NEK8: variants seen among roughly 807,000 people sequenced by gnomAD.
The protein encoded by NEK8 is serine/threonine-protein kinase Nek8.
NEK8 carries 51 observed loss-of-function variants against 77.2 expected under a neutral mutation model. The ratio of observed to expected loss-of-function variants is 0.66; its 90% CI spans 0.53 to 0.83. NEK8 has a LOEUF of 0.83. NEK8 is among the 40% of genes least tolerant of loss of function. The pLI is 0.00. For missense variants in NEK8, 787 were observed against 909.2 expected, an observed-to-expected ratio of 0.87 and a Z score of 1.73; for synonymous variants, 365 against 363.2, an observed-to-expected ratio of 1.00 and a Z score of -0.06.
chr17:28,734,161 C>G lies in NEK8; in HGVS notation c.226C>G (p.Leu76Val). The change falls in exon 2 of 15, where the codon CTT becomes GTT. Residue 76 changes from leucine (L) to valine (V), a missense_variant. Physicochemically the swap from Leu to Val is conservative, Grantham distance 32 (BLOSUM62 1). This residue lies in a region of NEK8 where 271 missense variants were observed against 365.1 expected (regional missense o/e 0.74). Transcript: ENST00000268766. ...CGAGAACTTCCTGGAAGACAAAGCC[C>G]TTATGATCGCCATGGAATATGCACC... ...YYENFLEDKA[L>V]MIAMEYAPGG... 6.2e-7 allele frequency: 1 copy of G among 1,614,216 alleles called. No individual in the cohort carries two copies. Among genetic ancestry groups the G allele is most frequent in the Non-Finnish European group, 8.5e-7 (1 of 1,180,034 alleles).
intron 1 of NEK8, among the ~76,000 whole-genome samples, chr17:28,733,257 G>C (rs1456325430): frequency 6.6e-6 from 1 of 152,134 alleles, no homozygotes; most frequent in Non-Finnish European, 1.5e-5. Context: ...GGAAGAGACT[G>C]AGCAAGGAAA....
chr17:28,733,143 G>T (rs1214196995), intron 1 of NEK8, among the ~76,000 whole-genome samples: 1 of 150,832 alleles, frequency 6.6e-6, no homozygotes, highest in Non-Finnish European at 1.5e-5. Context: ...GCCTCCCAAA[G>T]TGCTGAGATC....
chr17:28,741,992 C>T lies in NEK8; in HGVS notation c.*5C>T, dbSNP rs754910336. The T allele has an allele frequency of 3.7e-6, 6 of 1,613,702 alleles. No homozygotes were observed. The highest frequency in any genetic ancestry group is 1.7e-5 in the Admixed American group (1 of 59,992). On this transcript the variant is annotated 3_prime_UTR_variant, in exon 15 of 15. Coordinates refer to ENST00000268766, the MANE Select transcript of NEK8 (RefSeq NM_178170.3). The surrounding 1 kb of genome is among the most constrained non-coding windows in gnomAD (Gnocchi z 4.5). ...GATGAGCCGGTCCCCCCCTGAGGCA[C>T]CCGGATTCACCTCTGGACCACCCTG...
In NEK8 at chr17:28,737,344, C is replaced by T. The variant is rs1398675359; in HGVS notation, c.657C>T (p.Thr219=). Reference sequence around the variant, plus strand: ...TGGTGCTGAAGATCATGAGTGGCACCTTTGCACCTATCTCTGACCGGTACA... The same window carrying T: ...TGGTGCTGAAGATCATGAGTGGCACTTTTGCACCTATCTCTGACCGGTACA... ...PALVLKIMSG[T]FAPISDRYSP... Residue 219 remains threonine, a synonymous_variant, in exon 5 of 15, where the codon ACC becomes ACT. Coordinates refer to ENST00000268766, the MANE Select transcript of NEK8 (RefSeq NM_178170.3). This position sits in a 1 kb window ranked among gnomAD's most constrained non-coding sequence, Gnocchi z 4.8. 1.2e-6 allele frequency: 2 copies of T among 1,613,762 alleles called. No homozygotes were observed. The highest frequency in any genetic ancestry group is 1.3e-5 in the African/African-American group (1 of 74,934).
chr17:28,736,972 T>G (rs1284983662), intron 4 of NEK8, among the ~76,000 whole-genome samples: 1 of 152,218 alleles, frequency 6.6e-6, no homozygotes, highest in Non-Finnish European at 1.5e-5. Flanking sequence ...GGGATCCAGT[T>G]TCAGCTTTCT....
intron 2 of NEK8, 185 bp downstream of exon 2, chr17:28,734,373 AGGAGAGGGGTTGTT>A (rs1470764289): frequency 4.7e-6 from 3 of 637,546 alleles, no homozygotes; most frequent in Non-Finnish European, 5.5e-6. Context: ...CATACATAAA[AGGAGAGGGGTTGTT>A]GGCTGGGCAC....
At position 28,738,685 on chromosome 17, in the gene NEK8, A is replaced by C. The variant is rs141650477; in HGVS notation, c.1237A>C (p.Met413Leu). ...TACLTDRGII[M>L]TFGSGSNGCL... ...CTTCTCCCCAGACAGAGGCATCATC[A>C]TGACATTCGGCAGCGGCAGCAATGG... is the stretch of plus-strand genomic sequence containing the variant. Residue 413 changes from methionine (M) to leucine (L), a missense_variant, in exon 9 of 15, where the codon ATG becomes CTG. Met to Leu is a conservative substitution (Grantham distance 15). Transcript: ENST00000268766. 3.2e-4 allele frequency: 523 copies of C among 1,614,084 alleles called. 3 individuals carry two copies. In the African/African-American group the frequency reaches 6.5e-3, roughly 20 times the overall value.
At position 28,740,714 on chromosome 17, in the gene NEK8, G is replaced by C; in HGVS notation, c.1568+101G>C. 1 of 1,576,270 alleles carries C rather than the reference G, an allele frequency of 6.3e-7. No homozygotes were observed. The highest frequency in any genetic ancestry group is 8.7e-7 in the Non-Finnish European group (1 of 1,146,956). ...CTTTCACCAAAGACCAGAATTGAGG[G>C]GGTTGAGGGTGCTATTGGTTCAACC... On this transcript the variant is annotated intron_variant, in intron 11 of 14. Coordinates refer to ENST00000268766, the MANE Select transcript of NEK8 (RefSeq NM_178170.3). The surrounding 1 kb of genome is among the most constrained non-coding windows in gnomAD (Gnocchi z 4.7).
At chr17:28,730,190 A>C (rs888692132) in intron 1 of NEK8, among the ~76,000 whole-genome samples, 11 of 151,776 alleles carry the variant, frequency 7.2e-5, no homozygotes, top group African/African-American at 2.4e-4. Context: ...AGTTCACTGC[A>C]ATCTCCGCCT....
intron 1 of NEK8, among the ~76,000 whole-genome samples, chr17:28,730,293 T>A (rs2034294403): frequency 6.9e-6 from 1 of 143,910 alleles, no homozygotes; most frequent in South Asian, 2.3e-4. Flanking sequence ...TTTTTTTTTT[T>A]TTTTTTTTTT....
In NEK8 at chr17:28,740,381, C is replaced by T. The variant is rs1385249720; in HGVS notation, c.1418-82C>T. ...GAGAGAACAGAGAACTCATGCTGTT[C>T]CCTCCCCTCAGTGGGCCCTCCTCAT... On this transcript the variant is annotated intron_variant, in intron 10 of 14. Transcript: ENST00000268766. This position sits in a 1 kb window ranked among gnomAD's most constrained non-coding sequence, Gnocchi z 4.7. The T allele has an allele frequency of 3.3e-6, 4 of 1,197,968 alleles. No individual in the cohort carries two copies. Among genetic ancestry groups the T allele is most frequent in the Non-Finnish European group, 3.7e-6 (3 of 801,304 alleles). The allele number at this position is 1,197,968 out of a possible 1,614,324, so 74.2% of individuals were successfully genotyped here.
In NEK8 at chr17:28,737,269, C is replaced by A; in HGVS notation, c.619-37C>A. 6.3e-7 allele frequency: 1 copy of A among 1,576,576 alleles called. No individual in the cohort carries two copies. Among genetic ancestry groups the A allele is most frequent in the South Asian group, 1.2e-5 (1 of 86,878 alleles). On this transcript the variant is annotated intron_variant, in intron 4 of 14. Transcript: ENST00000268766. This position sits in a 1 kb window ranked among gnomAD's most constrained non-coding sequence, Gnocchi z 4.8. The stretch of plus-strand genomic sequence containing the variant: ...GGGGCTGGAGCTGGGGGGTGCTGCC[C>A]TCACTTCCCCAAATTCTCAACCTGG...
rs1217762146 is a variant in NEK8 at position 28,734,010 on chromosome 17, T to C, written c.75T>C (p.Ala25=). 1 of 1,614,226 alleles carries C rather than the reference T, an allele frequency of 6.2e-7. No homozygotes were observed. The highest frequency in any genetic ancestry group is 1.1e-5 in the South Asian group (1 of 91,090). Residue 25 remains alanine, a synonymous_variant, in exon 2 of 15, where the codon GCT becomes GCC. Coordinates refer to ENST00000268766, the MANE Select transcript of NEK8 (RefSeq NM_178170.3). ...TTGTGCACCTGTGCCTGCGAAAGGC[T>C]GACCAGAAGCTGGTGATCATCAAGC... ...FGIVHLCLRK[A]DQKLVIIKQI... is the part of the protein sequence containing the mutation.
In NEK8 at chr17:28,737,455, C is replaced by G. The variant is rs761378547; in HGVS notation, c.768C>G (p.Pro256=). Reference sequence around the variant, plus strand: ...CACTCAGCCACATCATGGCACAGCCCCTCTGCATCCGTGCCCTCCTCAACC... The same window carrying G: ...CACTCAGCCACATCATGGCACAGCCGCTCTGCATCCGTGCCCTCCTCAACC... ...RPPLSHIMAQ[P]LCIRALLNLH... Residue 256 remains proline (P), a synonymous_variant, in exon 5 of 15, where the codon CCC becomes CCG. Transcript: ENST00000268766. This position sits in a 1 kb window ranked among gnomAD's most constrained non-coding sequence, Gnocchi z 4.8. The G allele has an allele frequency of 6.2e-7, 1 of 1,613,156 alleles. No individual in the cohort carries two copies. Among genetic ancestry groups the G allele is most frequent in the Admixed American group, 1.7e-5 (1 of 60,028 alleles).
Position 28,734,867 on chromosome 17 carries a change from C to A in NEK8, c.349C>A (p.His117Asn). The A allele has an allele frequency of 6.2e-7, 1 of 1,613,528 alleles. No individual in the cohort carries two copies. Among genetic ancestry groups the A allele is most frequent in the Non-Finnish European group, 8.5e-7 (1 of 1,179,672 alleles). ...HFFVQILLAL[H>N]HVHTHLILHR... The stretch of plus-strand genomic sequence containing the variant: ...CTTCGTGCAGATCCTGCTTGCACTG[C>A]ATCATGTGCACACCCACCTCATCCT... The change falls in exon 3 of 15, where the codon CAT becomes AAT. Residue 117 changes from histidine to asparagine, a missense_variant. Transcript: ENST00000268766.
Position 28,735,082 on chromosome 17 carries a change from C to G in NEK8, c.486+78C>G, listed in dbSNP as rs569812171. The G allele has an allele frequency of 9.3e-6, 14 of 1,506,038 alleles. No homozygotes were observed. The East Asian group carries it at 1.1e-4, about 12-fold the overall frequency. The allele number at this position is 1,506,038 out of a possible 1,614,324, so 93.3% of individuals were successfully genotyped here. A position where few individuals can be genotyped will look rare whatever the true frequency, so the allele number is the denominator to read the frequency against. On this transcript the variant is annotated intron_variant, in intron 3 of 14. Transcript: ENST00000268766. ...ACCTAACCCTGCCTCCTCCCCTCCC[C>G]CTAAAAAACCCTTGGCCCTTTGGCC...
At position 28,740,742 on chromosome 17, in the gene NEK8, G is replaced by T. The variant is rs2034412451; in HGVS notation, c.1569-80G>T. 2.5e-6 allele frequency: 4 copies of T among 1,590,078 alleles called. No individual in the cohort carries two copies. The highest frequency in any genetic ancestry group is 3.4e-6 in the Non-Finnish European group (4 of 1,160,054). ...TTGAGGGTGCTATTGGTTCAACCCA[G>T]GGTGGGATCTGTCTCCTGGTGCACC... On this transcript the variant is annotated intron_variant, in intron 11 of 14. Transcript: ENST00000268766. This position sits in a 1 kb window ranked among gnomAD's most constrained non-coding sequence, Gnocchi z 4.7.
At chr17:28,732,075 C>T (rs1597804299) in intron 1 of NEK8, among the ~76,000 whole-genome samples, 1 of 151,200 alleles carries the variant, frequency 6.6e-6, no homozygotes, top group Non-Finnish European at 1.5e-5. Flanking sequence ...GGACTACAGG[C>T]ACCCACCAGC....
At chr17:28,739,026 G>A in intron 9 of NEK8, 58 bp from the exon 10 acceptor site, 1 of 1,316,320 alleles carries the variant, frequency 7.6e-7, no homozygotes, top group South Asian at 1.2e-5. Context: ...AGGGGGTGTT[G>A]AAGCCAGATG....
Sources: gnomAD v4.1 joint callset for allele counts (sites outside exome capture counted in the v4.1 genomes callset) on GRCh38, gnomAD v4.1.1 for gene constraint, gnomAD v4.1.1 regional missense constraint, Gnocchi (gnomAD v3.1) non-coding constraint, MANE v1.5 for transcripts, NCBI Gene and HGNC (gene_info 2026-07-23, HGNC 2026-07-21) for gene names.